The following RANBP2 variants were observed in gnomAD, a reference collection of about 807,000 sequenced individuals.
The protein encoded by RANBP2 is E3 SUMO-protein ligase RanBP2.
RANBP2 carries 57 observed loss-of-function variants against 303.6 expected under a neutral mutation model. The observed-to-expected ratio is 0.19, with a 90% CI of 0.15 to 0.23. The LOEUF (loss-of-function observed/expected upper bound fraction) is 0.23. RANBP2 is among the 10% of genes least tolerant of loss of function. The pLI, the probability that RANBP2 is intolerant of heterozygous loss-of-function variation, is 1.00. For missense variants in RANBP2, 3,138 were observed against 3,780.8 expected, an observed-to-expected ratio of 0.83 and a Z score of 4.46; for synonymous variants, 1,167 against 1,301.5, an observed-to-expected ratio of 0.90 and a Z score of 2.23.
chr2:108,873,248 C>T, the RANBP2 span, among the ~76,000 whole-genome samples: 1 of 151,830 alleles, frequency 6.6e-6, no homozygotes, highest in Non-Finnish European at 1.5e-5. Context: ...GGTAAATAAT[C>T]TTTTGTTTGC....
chr2:109,070,053 C>A, the RANBP2 span, among the ~76,000 whole-genome samples: 1 of 152,174 alleles, frequency 6.6e-6, no homozygotes, highest in Non-Finnish European at 1.5e-5. Flanking sequence ...ACAGGTGATG[C>A]TGGCAGGAAG....
intron 12 of RANBP2, among the ~76,000 whole-genome samples, chr2:108,752,617 C>CAAAAAAAAAAAAA (rs1247816984): frequency 2.5e-5 from 1 of 40,640 alleles, no homozygotes; most frequent in South Asian, 1.2e-3. Flanking sequence ...ACTAAAAATA[C>CAAAAAAAAAAAAA]AAAAAAAAAA....
the RANBP2 span, among the ~76,000 whole-genome samples, chr2:109,498,477 A>C: frequency 6.6e-6 from 1 of 152,166 alleles, no homozygotes; most frequent in Non-Finnish European, 1.5e-5. Flanking sequence ...CCTGGCACCA[A>C]GCCAAACTGC....
chr2:109,414,023 T>C, the RANBP2 span, among the ~76,000 whole-genome samples: 1 of 152,228 alleles, frequency 6.6e-6, no homozygotes, highest in African/African-American at 2.4e-5. Context: ...AGCATGCAGC[T>C]CAATGGACAA....
At chr2:109,615,598 T>C in the RANBP2 span, 4 of 1,613,640 alleles carry the variant, frequency 2.5e-6, no homozygotes, top group Non-Finnish European at 3.4e-6. Flanking sequence ...GATGTGGACA[T>C]CAGGGACTAC....
the RANBP2 span, among the ~76,000 whole-genome samples, chr2:109,143,318 A>T: frequency 3.3e-5 from 5 of 152,064 alleles, no homozygotes; most frequent in African/African-American, 1.2e-4. Context: ...TAGTTTGGAT[A>T]AAAAATGCCT....
chr2:109,251,314 T>G, the RANBP2 span: 1 of 435,328 alleles, frequency 2.3e-6, no homozygotes, highest in Non-Finnish European at 4.3e-6. Context: ...GCCCAAATTA[T>G]CTTTAACAAA....
chr2:109,076,753 G>T, the RANBP2 span, among the ~76,000 whole-genome samples: 1 of 150,432 alleles, frequency 6.6e-6, no homozygotes, highest in East Asian at 1.9e-4. Context: ...AAGACACAAA[G>T]AAATGGAACG....
At chr2:109,167,593 A>G in the RANBP2 span, among the ~76,000 whole-genome samples, 2 of 152,064 alleles carry the variant, frequency 1.3e-5, no homozygotes, top group Non-Finnish European at 2.9e-5. Context: ...TTTATTTTTG[A>G]GACAGTGTTG....
At chr2:108,913,200 C>T in the RANBP2 span, among the ~76,000 whole-genome samples, 22 of 152,050 alleles carry the variant, frequency 1.4e-4, no homozygotes, top group African/African-American at 4.6e-4. Context: ...CTGCCCGCCT[C>T]GGCCTCCCAA....
At position 108,735,313 on chromosome 2, in the gene RANBP2, T is replaced by C. The variant is rs1045179440; in HGVS notation, c.406-219T>C. ...AGTCTCTGAAGAGAGTATGAGCTACTGCAGTAATCACAGATGCTTTTCTTC... is the reference window on the plus strand; with the variant it reads ...AGTCTCTGAAGAGAGTATGAGCTACCGCAGTAATCACAGATGCTTTTCTTC... On this transcript the variant is annotated intron_variant, in intron 4 of 28. Transcript: ENST00000283195. Among the ~76,000 whole-genome samples, 21 of 152,318 alleles carry C rather than the reference T, an allele frequency of 1.4e-4. No individual in the cohort carries two copies. The South Asian group carries it at 2.3e-3, about 17-fold the overall frequency.
At chr2:109,121,798 C>T in the RANBP2 span, among the ~76,000 whole-genome samples, 2 of 152,206 alleles carry the variant, frequency 1.3e-5, no homozygotes, top group African/African-American at 2.4e-5. Flanking sequence ...CCCTCTGGAA[C>T]TCTGTTTGAA....
At chr2:108,900,145 A>G in the RANBP2 span, among the ~76,000 whole-genome samples, 1 of 152,374 alleles carries the variant, frequency 6.6e-6, no homozygotes, top group East Asian at 1.9e-4. Flanking sequence ...AGTGACCCAC[A>G]GTAAAGCAGG....
intron 17 of RANBP2, among the ~76,000 whole-genome samples, 190 bp from the exon 18 acceptor site, chr2:108,758,223 G>T (rs1676465674): frequency 2.0e-5 from 3 of 151,890 alleles, no homozygotes; most frequent in African/African-American, 4.8e-5. Flanking sequence ...CTTGAGCCCA[G>T]GAGGTGGAGG....
chr2:109,304,892 G>C, the RANBP2 span, among the ~76,000 whole-genome samples: 4 of 152,172 alleles, frequency 2.6e-5, no homozygotes, highest in Non-Finnish European at 4.4e-5. Flanking sequence ...GGGTGACGCT[G>C]CTGAGGTCAA....
intron 23 of RANBP2, 55 bp downstream of exon 23, chr2:108,773,101 G>T: frequency 6.7e-7 from 1 of 1,494,582 alleles, no homozygotes; most frequent in Non-Finnish European, 9.2e-7. Context: ...TGTTGATGCA[G>T]TAAACTTTAG....
the RANBP2 span, among the ~76,000 whole-genome samples, chr2:109,098,399 CAG>C: frequency 6.6e-6 from 1 of 152,214 alleles, no homozygotes; most frequent in African/African-American, 2.4e-5. Context: ...CTGAATAAGC[CAG>C]TCTCAATCTC....
chr2:108,982,718 T>C, the RANBP2 span, among the ~76,000 whole-genome samples: 1 of 152,170 alleles, frequency 6.6e-6, no homozygotes, highest in African/African-American at 2.4e-5. Context: ...CTAGAGAAAG[T>C]TTGGTCTCCT....
At chr2:109,449,172 G>A in the RANBP2 span, 1 of 1,613,028 alleles carries the variant, frequency 6.2e-7, no homozygotes, top group Non-Finnish European at 8.5e-7. Context: ...GTCTCCAGCT[G>A]CCCACTCTGC....
Sources: gnomAD v4.1 joint callset for allele counts (sites outside exome capture counted in the v4.1 genomes callset) on GRCh38, gnomAD v4.1.1 for gene constraint, MANE v1.5 for transcripts, NCBI Gene and HGNC (gene_info 2026-07-23, HGNC 2026-07-21) for gene names.